GRIK4: variants seen among roughly 807,000 people sequenced by gnomAD.
GRIK4 encodes the protein glutamate ionotropic receptor kainate type subunit 4.
Under a neutral mutation model 104.9 loss-of-function variants are expected in GRIK4, and 40 were observed. The ratio of observed to expected loss-of-function variants is 0.38; its 90% CI spans 0.30 to 0.50. The LOEUF is 0.50. Ranked by LOEUF, GRIK4 falls within the 20% of genes least tolerant of loss-of-function variation. The probability of loss-of-function intolerance (pLI) is 0.93; values close to 1 mark genes in which losing one functional copy is unlikely to be tolerated. For synonymous variants in GRIK4, 485 were observed against 524.9 expected, an observed-to-expected ratio of 0.92 and a Z score of 1.04; for missense variants, 1,047 against 1,308.1, an observed-to-expected ratio of 0.80 and a Z score of 3.08.
intron 19 of GRIK4, among the ~76,000 whole-genome samples, chr11:120,977,001 C>T (rs761831328): frequency 2.0e-5 from 3 of 152,202 alleles, no homozygotes; most frequent in Non-Finnish European, 4.4e-5. Context: ...ATTCACATCT[C>T]TTCACAGGTG....
intron 13 of GRIK4, among the ~76,000 whole-genome samples, chr11:120,925,099 A>G (rs562632729): frequency 1.3e-5 from 2 of 152,294 alleles, no homozygotes; most frequent in South Asian, 4.1e-4. Context: ...CAGGAGCTGT[A>G]GGGGATGGGG....
At chr11:120,731,958 G>C (rs1047652177) in intron 3 of GRIK4, among the ~76,000 whole-genome samples, 1 of 151,598 alleles carries the variant, frequency 6.6e-6, no homozygotes, top group African/African-American at 2.4e-5. Flanking sequence ...TTCCTAGTCC[G>C]GCTAAAGGTT....
At chr11:120,558,754 A>G (rs1475070860) in intron 1 of GRIK4, among the ~76,000 whole-genome samples, 5 of 152,200 alleles carry the variant, frequency 3.3e-5, no homozygotes, top group Non-Finnish European at 7.3e-5. Flanking sequence ...AATTGCGCGT[A>G]TTTAGTTTAT....
At chr11:120,798,724 C>T (rs1422146991) in intron 3 of GRIK4, among the ~76,000 whole-genome samples, 3 of 152,112 alleles carry the variant, frequency 2.0e-5, no homozygotes, top group Admixed American at 6.5e-5. Flanking sequence ...TCAAGTGATC[C>T]GCCCGCCTCG....
intron 1 of GRIK4, among the ~76,000 whole-genome samples, chr11:120,599,072 T>G (rs1948845479): frequency 6.6e-6 from 1 of 152,240 alleles, no homozygotes; most frequent in Non-Finnish European, 1.5e-5. Context: ...TCACAGCTCC[T>G]GGTCCTGTAA....
chr11:120,721,151 C>G (rs1020236011), intron 3 of GRIK4, among the ~76,000 whole-genome samples: 5 of 152,104 alleles, frequency 3.3e-5, no homozygotes, highest in South Asian at 2.1e-4. Flanking sequence ...TCTGTGGGAG[C>G]AGTTGGGGTC....
chr11:120,960,883 T>C, intron 16 of GRIK4, 26 bp from the exon 17 acceptor site: 1 of 1,602,698 alleles, frequency 6.2e-7, no homozygotes, highest in Non-Finnish European at 8.5e-7. Flanking sequence ...CGGGCAATGA[T>C]GACTTCCTCG....
At chr11:120,830,625 G>A (rs1953400851) in intron 6 of GRIK4, among the ~76,000 whole-genome samples, 1 of 152,132 alleles carries the variant, frequency 6.6e-6, no homozygotes, top group African/African-American at 2.4e-5. Flanking sequence ...CAGTGTGTGA[G>A]GCCAGTTGCT....
chr11:120,594,432 G>A (rs1042189039), intron 1 of GRIK4, among the ~76,000 whole-genome samples: 1 of 152,188 alleles, frequency 6.6e-6, no homozygotes, highest in Admixed American at 6.5e-5. Flanking sequence ...AGCTGTGTTT[G>A]CACCGTTGCA....
intron 1 of GRIK4, among the ~76,000 whole-genome samples, chr11:120,645,026 T>C (rs1949523535): frequency 6.6e-6 from 1 of 152,224 alleles, no homozygotes; most frequent in Non-Finnish European, 1.5e-5. Context: ...TATATGTACA[T>C]GTATCAATGA....
At chr11:120,633,210 G>A (rs575580896) in intron 1 of GRIK4, among the ~76,000 whole-genome samples, 5 of 152,246 alleles carry the variant, frequency 3.3e-5, no homozygotes, top group African/African-American at 1.2e-4. Context: ...AAGATGAAGT[G>A]CCAATGGCAA....
intron 6 of GRIK4, among the ~76,000 whole-genome samples, chr11:120,821,783 G>A (rs374908577): frequency 5.3e-5 from 8 of 152,216 alleles, no homozygotes; most frequent in South Asian, 2.1e-4. Context: ...GTCAACAGGC[G>A]TCTTCGAGCA....
intron 20 of GRIK4, 142 bp from the exon 21 acceptor site, chr11:120,985,762 C>T (rs1944731639): frequency 1.4e-6 from 1 of 690,358 alleles, no homozygotes; most frequent in Non-Finnish European, 2.4e-6. Flanking sequence ...AGGAGATGGA[C>T]TGAAAGGCTT....
At chr11:120,911,977 C>T (rs922342075) in intron 13 of GRIK4, among the ~76,000 whole-genome samples, 6 of 152,146 alleles carry the variant, frequency 3.9e-5, no homozygotes, top group Admixed American at 2.0e-4. Flanking sequence ...ATGGCTAACA[C>T]TTCTGTATCA....
intron 3 of GRIK4, among the ~76,000 whole-genome samples, chr11:120,739,284 C>G (rs1951284574): frequency 6.6e-6 from 1 of 152,208 alleles, no homozygotes; most frequent in Non-Finnish European, 1.5e-5. Context: ...GGTTCCTATG[C>G]TTAAAATGCT....
intron 13 of GRIK4, among the ~76,000 whole-genome samples, chr11:120,924,776 A>G (rs867081061): frequency 6.6e-6 from 1 of 152,214 alleles, no homozygotes; most frequent in African/African-American, 2.4e-5. Context: ...TGATGGGCAT[A>G]TGAGCCATGT....
chr11:120,881,803 G>A (rs967829343), intron 11 of GRIK4, among the ~76,000 whole-genome samples: 2 of 152,190 alleles, frequency 1.3e-5, no homozygotes, highest in Admixed American at 6.5e-5. Flanking sequence ...ATCCTCCTGC[G>A]TTGGCAGCAG....
chr11:120,977,333 G>A (rs1944577820), intron 19 of GRIK4, among the ~76,000 whole-genome samples: 7 of 152,218 alleles, frequency 4.6e-5, no homozygotes, highest in Admixed American at 4.6e-4. Flanking sequence ...TGTCTTCCCA[G>A]TCCCCCTTGC....
chr11:120,947,844 G>C (rs1483147259), intron 14 of GRIK4, among the ~76,000 whole-genome samples: 4 of 152,132 alleles, frequency 2.6e-5, no homozygotes, highest in Admixed American at 2.6e-4. Flanking sequence ...GACTTGCCTA[G>C]CACCACCACT....
Sources: gnomAD v4.1 joint callset for allele counts (sites outside exome capture counted in the v4.1 genomes callset) on GRCh38, gnomAD v4.1.1 for gene constraint, MANE v1.5 for transcripts, NCBI Gene and HGNC (gene_info 2026-07-23, HGNC 2026-07-21) for gene names.